The following PDZD8 variants were observed in gnomAD, a reference collection of about 807,000 sequenced individuals.
PDZD8 encodes the protein PDZ domain-containing protein 8.
PDZD8 carries 14 observed loss-of-function variants against 85.8 expected under a neutral mutation model. That is an observed-to-expected ratio of 0.16 (90% CI 0.11 to 0.26). The LOEUF is 0.26. Ranked by LOEUF, PDZD8 falls within the 10% of genes least tolerant of loss-of-function variation. PDZD8 has a pLI of 1.00. For missense variants in PDZD8, 1,197 were observed against 1,424.3 expected, an observed-to-expected ratio of 0.84 and a Z score of 2.57; for synonymous variants, 592 against 568.6, an observed-to-expected ratio of 1.04 and a Z score of -0.59.
At chr10:117,341,717 G>A (rs1039280229) in intron 1 of PDZD8, among the ~76,000 whole-genome samples, 28 of 152,172 alleles carry the variant, frequency 1.8e-4, no homozygotes, top group African/African-American at 6.5e-4. Context: ...TACATGTTCA[G>A]CGCAGATTAA....
chr10:117,287,910 T>C (rs923555671), intron 4 of PDZD8, among the ~76,000 whole-genome samples: 1 of 152,234 alleles, frequency 6.6e-6, no homozygotes, highest in East Asian at 1.9e-4. Flanking sequence ...AGCAAAATTA[T>C]AGTTTGACAT....
Position 117,285,370 on chromosome 10 carries a change from C to T in PDZD8, c.1363G>A (p.Gly455Ser), listed in dbSNP as rs866245258. The T allele has an allele frequency of 1.9e-6, 3 of 1,614,044 alleles. No individual in the cohort carries two copies. In the African/African-American group the frequency reaches 4.0e-5, roughly 22 times the overall value. Residue 455 changes from glycine to serine, a missense_variant, in exon 5 of 5, where the codon GGT becomes AGT. Physicochemically the swap from Gly to Ser is moderately conservative, Grantham distance 56. Transcript: ENST00000334464. The part of the protein sequence containing the change: ...YERPVGQSNQ[G>S]AVLQDNFGQL... ...CCAAAGTTATCTTGCAGCACTGCAC[C>T]TTGATTACTCTGGCCAACAGGCCTT...
chr10:117,315,961 C>G (rs1417138108), intron 3 of PDZD8, among the ~76,000 whole-genome samples: 1 of 152,106 alleles, frequency 6.6e-6, no homozygotes, highest in Non-Finnish European at 1.5e-5. Flanking sequence ...AGTATGATCA[C>G]CAAACCGGAA....
At chr10:117,329,912 C>A (rs1035686142) in intron 2 of PDZD8, among the ~76,000 whole-genome samples, 1 of 147,610 alleles carries the variant, frequency 6.8e-6, no homozygotes, top group African/African-American at 2.5e-5. Flanking sequence ...AGACACTGCA[C>A]TCCAGTCTTG....
intron 3 of PDZD8, among the ~76,000 whole-genome samples, chr10:117,305,334 T>G (rs968450670): frequency 6.6e-6 from 1 of 151,778 alleles, no homozygotes; most frequent in African/African-American, 2.4e-5. Flanking sequence ...ATTGCTTGAA[T>G]CCGGGAGGCA....
chr10:117,340,597 T>C (rs188067413), intron 2 of PDZD8, among the ~76,000 whole-genome samples: 1 of 152,332 alleles, frequency 6.6e-6, no homozygotes, highest in Admixed American at 6.5e-5. Flanking sequence ...CTGCAGTGGC[T>C]GCTATACTTA....
chr10:117,284,814 T>A lies in PDZD8; in HGVS notation c.1919A>T (p.Asp640Val). Residue 640 changes from aspartate to valine, a missense_variant, in exon 5 of 5, where the codon GAT becomes GTT. Physicochemically the swap from Asp to Val is radical, Grantham distance 152. Coordinates refer to ENST00000334464, the MANE Select transcript of PDZD8 (RefSeq NM_173791.5). ...KSAEKQAKNV[D>V]AIDDAAAPKQ... Reference sequence around the variant, plus strand: ...AGGTGCAGCTGCATCGTCTATGGCATCCACATTTTTTGCTTGCTTTTCAGC... The same window carrying A: ...AGGTGCAGCTGCATCGTCTATGGCAACCACATTTTTTGCTTGCTTTTCAGC... 1 of 1,614,208 alleles carries A rather than the reference T, an allele frequency of 6.2e-7. No individual in the cohort carries two copies. Among genetic ancestry groups the A allele is most frequent in the Non-Finnish European group, 8.5e-7 (1 of 1,180,026 alleles).
intron 1 of PDZD8, among the ~76,000 whole-genome samples, chr10:117,367,622 T>G (rs1845112696): frequency 6.6e-6 from 1 of 151,952 alleles, no homozygotes; most frequent in African/African-American, 2.4e-5. Context: ...AACTGGGTAT[T>G]TAGGTGGAGT....
chr10:117,301,674 T>G (rs143502694), intron 3 of PDZD8, among the ~76,000 whole-genome samples: 2 of 152,328 alleles, frequency 1.3e-5, no homozygotes, highest in East Asian at 3.9e-4. Context: ...TTACTGTCCA[T>G]CCCAATTAGA....
chr10:117,319,492 ACTC>A (rs1442102131), intron 2 of PDZD8, among the ~76,000 whole-genome samples: 28 of 151,404 alleles, frequency 1.8e-4, no homozygotes, highest in Middle Eastern at 3.2e-3. Context: ...GCTAAGCCCA[ACTC>A]CTCCTCTAGA....
At position 117,374,799 on chromosome 10, in the gene PDZD8, C is replaced by T; in HGVS notation, c.429G>A (p.Leu143=). 3 of 1,613,272 alleles carry T rather than the reference C, an allele frequency of 1.9e-6. No individual in the cohort carries two copies. The highest frequency in any genetic ancestry group is 2.5e-6 in the Non-Finnish European group (3 of 1,179,870). Residue 143 remains leucine, a synonymous_variant, in exon 1 of 5, where the codon CTG becomes CTA. Coordinates refer to ENST00000334464, the MANE Select transcript of PDZD8 (RefSeq NM_173791.5). This position sits in a 1 kb window ranked among gnomAD's most constrained non-coding sequence, Gnocchi z 7.8. ...TKTAGRLLEG[L]SLRDVFLGET... ...CGCCCAGGAACACGTCCCGCAGGCT[C>T]AGCCCCTCCAGCAGGCGCCCGGCCG...
At chr10:117,291,002 TG>T (rs1299691705) in intron 3 of PDZD8, among the ~76,000 whole-genome samples, 1 of 151,060 alleles carries the variant, frequency 6.6e-6, no homozygotes, top group African/African-American at 2.4e-5. Flanking sequence ...CCCAAGCAGC[TG>T]GGACTACAGG....
chr10:117,315,133 C>T (rs1844101473), intron 3 of PDZD8, among the ~76,000 whole-genome samples: 1 of 152,086 alleles, frequency 6.6e-6, no homozygotes, highest in East Asian at 1.9e-4. Flanking sequence ...TCCCCAGTGG[C>T]CTCAAACATT....
chr10:117,360,470 T>C (rs146596294), intron 1 of PDZD8, among the ~76,000 whole-genome samples: 26 of 152,178 alleles, frequency 1.7e-4, no homozygotes, highest in Admixed American at 3.3e-4. Flanking sequence ...ACACACACCA[T>C]TGAATGAGAA....
In PDZD8 at chr10:117,375,123, C is replaced by T. The variant is rs1001981231; in HGVS notation, c.105G>A (p.Ala35=). The change falls in exon 1 of 5, where the codon GCG becomes GCA. Residue 35 remains alanine (A), a synonymous_variant. Transcript: ENST00000334464. The stretch of plus-strand genomic sequence containing the variant: ...CCTCGCCCGCGCGGGCGGCCTCGTC[C>T]GCCGGCGGCTCGGGCTGTCTGCGGT... ...LLYRRQPEPP[A]DEAARAGEGF... The T allele has an allele frequency of 6.3e-7, 1 of 1,592,698 alleles. No homozygotes were observed. The highest frequency in any genetic ancestry group is 8.5e-7 in the Non-Finnish European group (1 of 1,175,238).
At chr10:117,313,295 G>T (rs1225100505) in intron 3 of PDZD8, among the ~76,000 whole-genome samples, 1 of 152,110 alleles carries the variant, frequency 6.6e-6, no homozygotes. Context: ...TATAAGAAAA[G>T]AATGTAAAAT....
Position 117,281,338 on chromosome 10 carries a change from C to A in PDZD8, c.*1930G>T, listed in dbSNP as rs1440713239. 7.6e-6 allele frequency: 1 copy of A among 131,202 alleles called. No homozygotes were observed. Among genetic ancestry groups the A allele is most frequent in the Non-Finnish European group, 1.5e-5 (1 of 64,866 alleles). The allele number at this position is 131,202 out of a possible 1,614,324, so 8.1% of individuals were successfully genotyped here. A position where few individuals can be genotyped will look rare whatever the true frequency, so the allele number is the denominator to read the frequency against. ...CACTGCACTCCAGCCTGGGAGACAGCGAGACTCTGTCTCAAAAAAAAAAAA... is the reference window on the plus strand; with the variant it reads ...CACTGCACTCCAGCCTGGGAGACAGAGAGACTCTGTCTCAAAAAAAAAAAA... On this transcript the variant is annotated 3_prime_UTR_variant, in exon 5 of 5. Transcript: ENST00000334464.
intron 1 of PDZD8, among the ~76,000 whole-genome samples, chr10:117,343,104 T>G (rs947175902): frequency 6.6e-6 from 1 of 152,134 alleles, no homozygotes; most frequent in Non-Finnish European, 1.5e-5. Context: ...TCACACACTA[T>G]CAGGATTTGA....
At chr10:117,324,152 C>T (rs921365882) in intron 2 of PDZD8, among the ~76,000 whole-genome samples, 3 of 125,476 alleles carry the variant, frequency 2.4e-5, no homozygotes, top group Middle Eastern at 5.6e-3. Context: ...TGCTTGAACG[C>T]GGGAGGCTGA....
Sources: gnomAD v4.1 joint callset for allele counts (sites outside exome capture counted in the v4.1 genomes callset) on GRCh38, gnomAD v4.1.1 for gene constraint, Gnocchi (gnomAD v3.1) non-coding constraint, MANE v1.5 for transcripts, NCBI Gene and HGNC (gene_info 2026-07-23, HGNC 2026-07-21) for gene names.